Variants in TFCP2 observed in about 807,000 individuals in gnomAD.
The protein encoded by TFCP2 is alpha-globin transcription factor CP2.
A neutral mutation model predicts 73.4 loss-of-function variants in TFCP2; 33 were observed. The ratio of observed to expected loss-of-function variants is 0.45; its 90% CI spans 0.34 to 0.60. The LOEUF is 0.60. TFCP2 is among the 20% of genes least tolerant of loss of function. TFCP2 has a pLI of 0.01. For missense variants in TFCP2, 352 were observed against 604.0 expected, an observed-to-expected ratio of 0.58 and a Z score of 4.37; for synonymous variants, 193 against 211.6, an observed-to-expected ratio of 0.91 and a Z score of 0.76.
At chr12:51,166,928 A>G (rs1354212252) in intron 1 of TFCP2, among the ~76,000 whole-genome samples, 1 of 152,188 alleles carries the variant, frequency 6.6e-6, no homozygotes, top group Non-Finnish European at 1.5e-5. Flanking sequence ...ACAATTTTAG[A>G]ACATTTTTAA....
chr12:51,102,046 T>C, intron 10 of TFCP2, 21 bp from the exon 11 acceptor site: 1 of 1,525,314 alleles, frequency 6.6e-7, no homozygotes, highest in Non-Finnish European at 9.1e-7. Flanking sequence ...TATAAGAAAA[T>C]GGATGATAAA....
Position 51,101,955 on chromosome 12 carries a change from A to G in TFCP2, c.1131T>C (p.Leu377=), listed in dbSNP as rs759356811. ...QICGPADGIR[L]FNALKGRMVR... ...CATACCGGCCTTTTAATGCATTAAA[A>G]AGTCTGATTCCATCTGCAGGGCCAC... Residue 377 remains leucine (L), a synonymous_variant, in exon 11 of 15, where the codon CTT becomes CTC. Transcript: ENST00000257915. 2 of 1,612,392 alleles carry G rather than the reference A, an allele frequency of 1.2e-6. No homozygotes were observed. Among genetic ancestry groups the G allele is most frequent in the Admixed American group, 3.3e-5 (2 of 59,966 alleles).
chr12:51,157,303 T>C (rs1941557248), intron 1 of TFCP2, among the ~76,000 whole-genome samples: 1 of 152,092 alleles, frequency 6.6e-6, no homozygotes, highest in African/African-American at 2.4e-5. Flanking sequence ...ATTACAGGCG[T>C]GAGACACTGT....
At chr12:51,101,099 C>T (rs934093324) in intron 11 of TFCP2, among the ~76,000 whole-genome samples, 7 of 152,016 alleles carry the variant, frequency 4.6e-5, no homozygotes, top group African/African-American at 1.4e-4. Context: ...ATCAGGAGAT[C>T]GAGACCATCC....
chr12:51,157,289 T>C (rs968280814), intron 1 of TFCP2, among the ~76,000 whole-genome samples: 2 of 152,100 alleles, frequency 1.3e-5, no homozygotes, highest in Admixed American at 1.3e-4. Context: ...CCCAAAGTGC[T>C]GGGATTACAG....
chr12:51,159,043 G>C (rs1171743009), intron 1 of TFCP2, among the ~76,000 whole-genome samples: 2 of 149,018 alleles, frequency 1.3e-5, no homozygotes, highest in Non-Finnish European at 1.5e-5. Context: ...GCCAGGCGTG[G>C]TGGTAGGCGC....
At position 51,102,609 on chromosome 12, in the gene TFCP2, C is replaced by T. The variant is rs1182119890; in HGVS notation, c.1061-584G>A. Among the ~76,000 whole-genome samples, 4 of 151,928 alleles carry T rather than the reference C, an allele frequency of 2.6e-5. No individual in the cohort carries two copies. In the East Asian group the frequency reaches 7.7e-4, roughly 29 times the overall value. Reference sequence around the variant, plus strand: ...GGTGTGGTGGTGGGTGCCTGTAATCCCAGCTACTCGGGGGCTGAGGCAGGA... The same window carrying T: ...GGTGTGGTGGTGGGTGCCTGTAATCTCAGCTACTCGGGGGCTGAGGCAGGA... On this transcript the variant is annotated intron_variant, in intron 10 of 14. Coordinates refer to ENST00000257915, the MANE Select transcript of TFCP2 (RefSeq NM_005653.5).
intron 1 of TFCP2, among the ~76,000 whole-genome samples, chr12:51,165,453 A>G (rs1189413891): frequency 6.6e-6 from 1 of 152,158 alleles, no homozygotes; most frequent in Non-Finnish European, 1.5e-5. Flanking sequence ...ATTAAAAAAA[A>G]AAACACTCAG....
rs1940919894 is a variant in TFCP2 at position 51,130,610 on chromosome 12, C to G, written c.123-11838G>C. On this transcript the variant is annotated intron_variant, in intron 1 of 14. Coordinates refer to ENST00000257915, the MANE Select transcript of TFCP2 (RefSeq NM_005653.5). ...ACAAAGTCCAAAGCATATTTTCCATCTGCTATAGAAGGCAGAGCCAAATGA... is the reference window on the plus strand; with the variant it reads ...ACAAAGTCCAAAGCATATTTTCCATGTGCTATAGAAGGCAGAGCCAAATGA... Among the ~76,000 whole-genome samples the G allele has an allele frequency of 2.0e-5, 3 of 152,324 alleles. No homozygotes were observed. In the South Asian group the frequency reaches 6.2e-4, roughly 32 times the overall value.
rs116226513 is a variant in TFCP2 at position 51,139,984 on chromosome 12, T to C, written c.123-21212A>G. Among the ~76,000 whole-genome samples the C allele has an allele frequency of 7.0e-3, 1,059 of 152,308 alleles. 17 individuals are homozygous for C. Among genetic ancestry groups the C allele is most frequent in the African/African-American group, 0.024 (1,004 of 41,570 alleles). On this transcript the variant is annotated intron_variant, in intron 1 of 14. Coordinates refer to ENST00000257915, the MANE Select transcript of TFCP2 (RefSeq NM_005653.5). ...ATTCATTCATTCAATAAATACATTA[T>C]GAACACTGATATGCCTGGAACTATT...
intron 12 of TFCP2, among the ~76,000 whole-genome samples, 196 bp downstream of exon 12, chr12:51,099,459 C>T (rs1184806192): frequency 2.1e-5 from 3 of 141,256 alleles, no homozygotes; most frequent in African/African-American, 7.9e-5. Context: ...GCCTGGGTAA[C>T]TGAGTGAGAC....
chr12:51,110,886 C>T lies in TFCP2; in HGVS notation c.555G>A (p.Val185=). 1.9e-6 allele frequency: 3 copies of T among 1,612,634 alleles called. No homozygotes were observed. Among genetic ancestry groups the T allele is most frequent in the Non-Finnish European group, 2.5e-6 (3 of 1,178,724 alleles). The change falls in exon 5 of 15, where the codon GTG becomes GTA. Residue 185 remains valine (V), a synonymous_variant. Coordinates refer to ENST00000257915, the MANE Select transcript of TFCP2 (RefSeq NM_005653.5). ...ATCTGCAACGCCTTACCTGAATAAA[C>T]ACAGATGTCCTCTTTGCAGGGTCCC... ...FLWDPAKRTS[V]FIQVHCISTE...
At chr12:51,125,050 T>C (rs771293926) in intron 1 of TFCP2, 10 of 748,890 alleles carry the variant, frequency 1.3e-5, no homozygotes, top group Middle Eastern at 2.3e-4. Context: ...TCGGTCGTGA[T>C]GTACGTCAGC....
chr12:51,107,109 C>T, intron 7 of TFCP2, 127 bp downstream of exon 7: 1 of 776,412 alleles, frequency 1.3e-6, no homozygotes, highest in South Asian at 1.8e-5. Context: ...GGCCGCTGGA[C>T]ACAGAATCCA....
At chr12:51,125,749 T>C (rs1384147069) in intron 1 of TFCP2, among the ~76,000 whole-genome samples, 1 of 152,220 alleles carries the variant, frequency 6.6e-6, no homozygotes, top group African/African-American at 2.4e-5. Context: ...CTATATACAC[T>C]ATGATCATTT....
rs376002405 is a variant in TFCP2, at chr12:51,110,870, G to A, written c.564+7C>T. ...TCAAAACTGGAACCCTATCTGCAAC[G>A]CCTTACCTGAATAAACACAGATGTC... On this transcript the variant is annotated splice_region_variant and intron_variant, in intron 5 of 14. Transcript: ENST00000257915. 7.5e-6 allele frequency: 12 copies of A among 1,596,990 alleles called. No individual in the cohort carries two copies. The highest frequency in any genetic ancestry group is 4.5e-5 in the East Asian group (2 of 44,764).
chr12:51,128,484 A>C (rs1358873906), intron 1 of TFCP2, among the ~76,000 whole-genome samples: 7 of 151,720 alleles, frequency 4.6e-5, no homozygotes, highest in East Asian at 1.9e-4. Context: ...ATAATAAAAA[A>C]AAAAAAAACA....
At chr12:51,134,679 T>C (rs1286517503) in intron 1 of TFCP2, among the ~76,000 whole-genome samples, 3 of 152,250 alleles carry the variant, frequency 2.0e-5, no homozygotes, top group African/African-American at 7.2e-5. Flanking sequence ...CTTAGAACTT[T>C]GTACCAATTA....
chr12:51,098,680 A>G, intron 13 of TFCP2, 96 bp downstream of exon 13: 2 of 1,409,780 alleles, frequency 1.4e-6, no homozygotes, highest in Non-Finnish European at 1.9e-6. Flanking sequence ...CCTCTGATCT[A>G]GAAAACAGAA....
Sources: allele counts gnomAD v4.1 joint callset (sites outside exome capture counted in the v4.1 genomes callset), GRCh38; gene constraint gnomAD v4.1.1; transcripts MANE v1.5; gene names NCBI Gene and HGNC (gene_info 2026-07-23, HGNC 2026-07-21).